COL13A1: variants seen among roughly 807,000 people sequenced by gnomAD.
COL13A1 encodes the protein collagen alpha-1(XIII) chain.
Under a neutral mutation model 130.9 loss-of-function variants are expected in COL13A1, and 89 were observed. That is an observed-to-expected ratio of 0.68 (90% CI 0.57 to 0.81). The LOEUF is 0.81. Among genes scored for constraint, COL13A1 ranks in the 30% least tolerant of loss-of-function variants. The pLI is 0.00. For synonymous variants in COL13A1, 402 were observed against 341.6 expected, an observed-to-expected ratio of 1.18 and a Z score of -1.95; for missense variants, 879 against 934.6, an observed-to-expected ratio of 0.94 and a Z score of 0.78.
chr10:69,844,649 A>T (rs977948519), intron 2 of COL13A1, among the ~76,000 whole-genome samples: 12 of 152,262 alleles, frequency 7.9e-5, no homozygotes, highest in Admixed American at 3.9e-4. Context: ...TGGCATAGCG[A>T]CAAGAGATAT....
At chr10:69,861,190 G>A (rs1359914024) in intron 2 of COL13A1, among the ~76,000 whole-genome samples, 1 of 152,316 alleles carries the variant, frequency 6.6e-6, no homozygotes, top group African/African-American at 2.4e-5. Flanking sequence ...GCAGGGGTTA[G>A]CCAAGGGCAG....
chr10:69,947,133 G>T (rs1396624190), intron 37 of COL13A1, among the ~76,000 whole-genome samples, 174 bp from the exon 38 acceptor site: 1 of 152,172 alleles, frequency 6.6e-6, no homozygotes, highest in Non-Finnish European at 1.5e-5. Context: ...TTTGCCTCTA[G>T]GTCAGGTTTT....
intron 2 of COL13A1, among the ~76,000 whole-genome samples, chr10:69,866,746 C>T (rs931587983): frequency 3.3e-5 from 5 of 152,150 alleles, no homozygotes; most frequent in Admixed American, 3.3e-4. Flanking sequence ...GCTGTTTCCT[C>T]CTGGATGGTG....
At chr10:69,848,111 A>T (rs1263857915) in intron 2 of COL13A1, among the ~76,000 whole-genome samples, 1 of 152,240 alleles carries the variant, frequency 6.6e-6, no homozygotes, top group Non-Finnish European at 1.5e-5. Flanking sequence ...GAGGTGAAGA[A>T]GCCACTGGGA....
chr10:69,921,801 C>T lies in COL13A1; in HGVS notation c.1090-81C>T, dbSNP rs144841621. ...AGGCAGGAGCAAGGGAAGGCAAGGCCCTAAGCTGTGGAGCTGGTGGCTTCC... is the reference window on the plus strand; with the variant it reads ...AGGCAGGAGCAAGGGAAGGCAAGGCTCTAAGCTGTGGAGCTGGTGGCTTCC... On this transcript the variant is annotated intron_variant, in intron 21 of 40. Transcript: ENST00000645393. The T allele has an allele frequency of 5.3e-3, 8,188 of 1,539,098 alleles. 46 individuals are homozygous for T. The highest frequency in any genetic ancestry group is 6.4e-3 in the Middle Eastern group (38 of 5,956).
At chr10:69,929,387 A>G (rs2065808262) in intron 28 of COL13A1, among the ~76,000 whole-genome samples, 2 of 151,870 alleles carry the variant, frequency 1.3e-5, no homozygotes, top group Non-Finnish European at 2.9e-5. Flanking sequence ...TGTTTTTCTC[A>G]GAAGGTCTGC....
At chr10:69,932,232 T>C (rs1254156379) in intron 30 of COL13A1, among the ~76,000 whole-genome samples, 4 of 152,220 alleles carry the variant, frequency 2.6e-5, no homozygotes, top group Admixed American at 2.6e-4. Flanking sequence ...ACCATCTGTA[T>C]GACATGTATG....
At chr10:69,886,562 A>C (rs2060610393) in intron 7 of COL13A1, among the ~76,000 whole-genome samples, 1 of 152,210 alleles carries the variant, frequency 6.6e-6, no homozygotes, top group Non-Finnish European at 1.5e-5. Flanking sequence ...AGGAAAGGAA[A>C]CTAATATGGT....
chr10:69,822,372 T>A lies in COL13A1; in HGVS notation c.298T>A (p.Trp100Arg), dbSNP rs768896398. The change falls in exon 2 of 41, where the codon TGG becomes AGG. Residue 100 changes from tryptophan (W) to arginine (R), a missense_variant. By Grantham distance (101) the Trp-to-Arg change is moderately radical. This residue lies in a region of COL13A1 where 715 missense variants were observed against 721.0 expected (regional missense o/e 0.99). Coordinates refer to ENST00000645393, the MANE Select transcript of COL13A1 (RefSeq NM_001368882.1). ...TCTTGTCTGTCTCCTTGTACAGAAA[T>A]GGAAGCTCCACTCAAGGAGGCGCCG... is the stretch of plus-strand genomic sequence containing the variant. ...GRVNQLLDEK[W>R]KLHSRRRREA... 7.5e-5 allele frequency: 118 copies of A among 1,582,404 alleles called. No homozygotes were observed. The highest frequency in any genetic ancestry group is 3.3e-4 in the South Asian group (28 of 85,480).
intron 2 of COL13A1, among the ~76,000 whole-genome samples, chr10:69,837,926 GC>G (rs1850537677): frequency 6.6e-6 from 1 of 152,300 alleles, no homozygotes; most frequent in East Asian, 1.9e-4. Flanking sequence ...CACCTTAAAA[GC>G]CCCCTGTGAT....
intron 2 of COL13A1, among the ~76,000 whole-genome samples, chr10:69,842,140 A>C (rs1756192852): frequency 6.6e-6 from 1 of 152,134 alleles, no homozygotes; most frequent in African/African-American, 2.4e-5. Flanking sequence ...GTGGGAGATG[A>C]TTGACTCATG....
At position 69,937,254 on chromosome 10, in the gene COL13A1, C is replaced by T. The variant is rs866347163; in HGVS notation, c.1798-381C>T. ...TCATGCCCTGGTATTCAAGAGACTTCGGGGCAGTTTGTTCTCCCGACTAGG... is the reference window on the plus strand; with the variant it reads ...TCATGCCCTGGTATTCAAGAGACTTTGGGGCAGTTTGTTCTCCCGACTAGG... On this transcript the variant is annotated intron_variant, in intron 33 of 40. Coordinates refer to ENST00000645393, the MANE Select transcript of COL13A1 (RefSeq NM_001368882.1). Among the ~76,000 whole-genome samples the T allele has an allele frequency of 3.3e-5, 5 of 152,180 alleles. No individual in the cohort carries two copies. The South Asian group carries it at 8.3e-4, about 25-fold the overall frequency.
At chr10:69,920,729 G>A (rs1286269534) in intron 21 of COL13A1, among the ~76,000 whole-genome samples, 1 of 152,346 alleles carries the variant, frequency 6.6e-6, no homozygotes, top group South Asian at 2.1e-4. Flanking sequence ...AGAACTGTAA[G>A]AAAATACATT....
chr10:69,933,568 C>T (rs889634201), intron 31 of COL13A1, among the ~76,000 whole-genome samples: 2 of 152,100 alleles, frequency 1.3e-5, no homozygotes, highest in Admixed American at 1.3e-4. Flanking sequence ...ACCACCAAGC[C>T]TTCTCAGTCC....
At chr10:69,941,046 C>T in intron 35 of COL13A1, 23 bp downstream of exon 35, 4 of 1,613,776 alleles carry the variant, frequency 2.5e-6, no homozygotes, top group South Asian at 1.1e-5. Context: ...TCTCCATCAC[C>T]CCTCACCCCA....
intron 17 of COL13A1, among the ~76,000 whole-genome samples, chr10:69,914,199 T>C (rs999091474): frequency 7.2e-5 from 11 of 152,006 alleles, no homozygotes; most frequent in African/African-American, 2.7e-4. Flanking sequence ...GGAGCACCCC[T>C]CTGGGCAGGA....
intron 2 of COL13A1, among the ~76,000 whole-genome samples, chr10:69,841,844 G>T (rs1393779265): frequency 6.6e-6 from 1 of 152,230 alleles, no homozygotes; most frequent in South Asian, 2.1e-4. Flanking sequence ...GGGAGGATGA[G>T]GAACTGAGGC....
intron 2 of COL13A1, among the ~76,000 whole-genome samples, chr10:69,861,030 A>C (rs568926152): frequency 6.6e-6 from 1 of 152,268 alleles, no homozygotes; most frequent in African/African-American, 2.4e-5. Context: ...TAACCAAGAA[A>C]GTCTGCTACT....
chr10:69,917,364 C>G (rs1249721653), intron 18 of COL13A1, 31 bp downstream of exon 18: 4 of 1,591,750 alleles, frequency 2.5e-6, no homozygotes, highest in Non-Finnish European at 3.4e-6. Context: ...TCCCAGGCAG[C>G]CCCAAGGCCC....
Sources: gnomAD v4.1 joint callset for allele counts (sites outside exome capture counted in the v4.1 genomes callset) on GRCh38, gnomAD v4.1.1 for gene constraint, gnomAD v4.1.1 regional missense constraint, MANE v1.5 for transcripts, NCBI Gene and HGNC (gene_info 2026-07-23, HGNC 2026-07-21) for gene names.